Variants in QTMAN observed in about 807,000 individuals in gnomAD.
QTMAN encodes the protein queuosine-tRNA mannosyltransferase.
the QTMAN span, among the ~76,000 whole-genome samples, chr2:144,041,365 A>C: frequency 6.6e-6 from 1 of 152,204 alleles, no homozygotes; most frequent in Admixed American, 6.5e-5. Context: ...AATTTTATGA[A>C]AGCACTGTTT....
the QTMAN span, among the ~76,000 whole-genome samples, chr2:144,149,045 T>G: frequency 2.0e-5 from 3 of 151,938 alleles, no homozygotes; most frequent in Non-Finnish European, 2.9e-5. Flanking sequence ...ACAAAAGGAA[T>G]GCAGGTGATC....
At chr2:143,949,816 T>C in the QTMAN span, among the ~76,000 whole-genome samples, 1 of 151,754 alleles carries the variant, frequency 6.6e-6, no homozygotes, top group African/African-American at 2.4e-5. Flanking sequence ...TGTTGTATCA[T>C]TATTATAAAG....
At chr2:144,328,568 C>A in the QTMAN span, among the ~76,000 whole-genome samples, 1 of 152,146 alleles carries the variant, frequency 6.6e-6, no homozygotes, top group Non-Finnish European at 1.5e-5. Flanking sequence ...AGAATAATTC[C>A]AGATCCTTCC....
chr2:144,032,691 C>T, the QTMAN span, among the ~76,000 whole-genome samples: 4,189 of 152,268 alleles, frequency 0.028, 71 homozygotes, highest in Non-Finnish European at 0.045. Context: ...GGACTTCAAC[C>T]ATGAGGACAC....
the QTMAN span, among the ~76,000 whole-genome samples, chr2:144,171,134 A>AT: frequency 5.9e-5 from 9 of 152,286 alleles, no homozygotes; most frequent in Non-Finnish European, 8.8e-5. Flanking sequence ...TAATAATGAA[A>AT]TGTGCTGATA....
At chr2:144,099,247 C>T in the QTMAN span, among the ~76,000 whole-genome samples, 1 of 152,130 alleles carries the variant, frequency 6.6e-6, no homozygotes, top group Non-Finnish European at 1.5e-5. Flanking sequence ...AAATAAATGA[C>T]TCAGTAGTCT....
At chr2:144,019,425 T>TA in the QTMAN span, among the ~76,000 whole-genome samples, 1 of 143,248 alleles carries the variant, frequency 7.0e-6, no homozygotes, top group South Asian at 2.3e-4. Context: ...AATGTGTCCA[T>TA]AAGCATGCAG....
chr2:143,967,839 C>G, the QTMAN span, among the ~76,000 whole-genome samples: 53 of 152,236 alleles, frequency 3.5e-4, no homozygotes, highest in African/African-American at 1.2e-3. Context: ...CACTACCTAG[C>G]TGAGTGGCCT....
the QTMAN span, among the ~76,000 whole-genome samples, chr2:144,270,724 T>A: frequency 6.6e-6 from 1 of 152,098 alleles, no homozygotes; most frequent in Non-Finnish European, 1.5e-5. Flanking sequence ...AAAACCTAGA[T>A]GATGGGTTGA....
the QTMAN span, among the ~76,000 whole-genome samples, chr2:144,298,537 A>C: frequency 1.3e-5 from 2 of 152,182 alleles, no homozygotes; most frequent in African/African-American, 4.8e-5. Flanking sequence ...GACCCAAATA[A>C]CAATCAAAAC....
At chr2:143,974,466 G>GAC in the QTMAN span, among the ~76,000 whole-genome samples, 1 of 152,050 alleles carries the variant, frequency 6.6e-6, no homozygotes, top group African/African-American at 2.4e-5. Context: ...AATGTATTCT[G>GAC]ACACACATAT....
At chr2:144,182,889 T>TA in the QTMAN span, among the ~76,000 whole-genome samples, 2 of 81,204 alleles carry the variant, frequency 2.5e-5, no homozygotes. Flanking sequence ...ATATATTTTA[T>TA]ATATATATAT....
chr2:144,241,680 CCTTT>C, the QTMAN span, among the ~76,000 whole-genome samples: 13 of 152,000 alleles, frequency 8.6e-5, 1 homozygote, highest in Admixed American at 8.5e-4. Flanking sequence ...GTTTTGTCTT[CCTTT>C]CTTTCTGTCC....
chr2:144,009,509 C>G, the QTMAN span, among the ~76,000 whole-genome samples: 1 of 152,024 alleles, frequency 6.6e-6, no homozygotes, highest in Non-Finnish European at 1.5e-5. Flanking sequence ...TTGGGGGCTT[C>G]TATGTTTGTT....
chr2:144,329,787 C>G, the QTMAN span, among the ~76,000 whole-genome samples: 1 of 152,138 alleles, frequency 6.6e-6, no homozygotes, highest in Non-Finnish European at 1.5e-5. Context: ...TGAGTTAGTT[C>G]AAGTTTACTA....
chr2:144,144,441 T>G, the QTMAN span, among the ~76,000 whole-genome samples: 1 of 151,944 alleles, frequency 6.6e-6, no homozygotes, highest in Non-Finnish European at 1.5e-5. Context: ...AGGAAAAGAA[T>G]GATGCTAATT....
the QTMAN span, among the ~76,000 whole-genome samples, chr2:144,274,706 CCTGT>C: frequency 3.3e-5 from 5 of 152,198 alleles, no homozygotes; most frequent in African/African-American, 9.7e-5. Context: ...CCTCTGGCTG[CCTGT>C]CTGTACCTTT....
At chr2:144,221,089 A>G in the QTMAN span, among the ~76,000 whole-genome samples, 1 of 152,222 alleles carries the variant, frequency 6.6e-6, no homozygotes, top group Admixed American at 6.5e-5. Flanking sequence ...AGATGCAAAG[A>G]ATAGTTTGTG....
the QTMAN span, among the ~76,000 whole-genome samples, chr2:144,043,074 TC>T: frequency 7.4e-4 from 113 of 152,102 alleles, no homozygotes; most frequent in Non-Finnish European, 7.9e-4. Context: ...ACAGCATCTG[TC>T]CCCACAACCC....
Sources: gnomAD v4.1 joint callset for allele counts (sites outside exome capture counted in the v4.1 genomes callset) on GRCh38, gnomAD v4.1.1 for gene constraint, MANE v1.5 for transcripts, NCBI Gene and HGNC (gene_info 2026-07-23, HGNC 2026-07-21) for gene names.